The following RTN4 variants were observed in gnomAD, a reference collection of about 807,000 sequenced individuals.
RTN4 encodes the protein reticulon 4.
A neutral mutation model predicts 90.4 loss-of-function variants in RTN4; 32 were observed. That is an observed-to-expected ratio of 0.35 (90% CI 0.27 to 0.48). The LOEUF (loss-of-function observed/expected upper bound fraction) is 0.48, where lower values mean the gene tolerates loss of function less well. Among genes scored for constraint, RTN4 ranks in the 20% least tolerant of loss-of-function variants. The probability of loss-of-function intolerance (pLI) is 0.99; values close to 1 mark genes in which losing one functional copy is unlikely to be tolerated. For synonymous variants in RTN4, 629 were observed against 552.5 expected (o/e 1.14, Z -1.94); for missense variants, 1,706 against 1,430.2 (o/e 1.19, Z -3.11).
intron 1 of RTN4, among the ~76,000 whole-genome samples, chr2:55,105,300 G>GCTCA (rs1474244262): frequency 6.7e-6 from 1 of 148,378 alleles, no homozygotes; most frequent in Non-Finnish European, 1.5e-5. Context: ...CACGATCTTG[G>GCTCA]CTCACTGCAA....
intron 1 of RTN4, among the ~76,000 whole-genome samples, chr2:55,087,913 T>A (rs1406357790): frequency 1.3e-5 from 2 of 152,210 alleles, no homozygotes; most frequent in Admixed American, 1.3e-4. Flanking sequence ...CTTAAATAAG[T>A]TTTCCAAAAA....
At position 55,010,700 on chromosome 2, in the gene RTN4, C is replaced by T. The variant is rs183745981; in HGVS notation, c.3013+14386G>A. Among the ~76,000 whole-genome samples, 183 of 152,122 alleles carry T rather than the reference C, an allele frequency of 1.2e-3. 1 individual carries two copies. Among genetic ancestry groups the T allele is most frequent in the South Asian group, 2.5e-3 (12 of 4,824 alleles). ...TTAATTGCTCCTAAGTTCATTAAGACGTAAAACATTCAGCATTTTGCACCT... is the reference window on the plus strand; with the variant it reads ...TTAATTGCTCCTAAGTTCATTAAGATGTAAAACATTCAGCATTTTGCACCT... On this transcript the variant is annotated intron_variant, in intron 3 of 8. Transcript: ENST00000337526.
intron 1 of RTN4, among the ~76,000 whole-genome samples, chr2:55,089,208 T>C (rs914898734): frequency 6.6e-6 from 1 of 152,182 alleles, no homozygotes; most frequent in African/African-American, 2.4e-5. Flanking sequence ...AGAGTAGGGC[T>C]ATCCTTAGGA....
At chr2:55,051,873 T>C (rs1274559290), upstream of RTN4, among the ~76,000 whole-genome samples, 1 of 152,226 alleles carries the variant, frequency 6.6e-6, no homozygotes, top group Admixed American at 6.5e-5. Context: ...TTGTTCCTTT[T>C]AAAGCAGCTT....
rs576023092 is a variant in RTN4 at position 54,989,652 on chromosome 2, C to G, written c.3014-1954G>C. Among the ~76,000 whole-genome samples, 37 of 152,138 alleles carry G rather than the reference C, an allele frequency of 2.4e-4. No individual in the cohort carries two copies. The South Asian group carries it at 7.7e-3, about 32-fold the overall frequency. ...CATTCTGATTCTTGAAGGTCTTGTC[C>G]AACATTACAATTCTAGGAAAGATAA... On this transcript the variant is annotated intron_variant, in intron 3 of 8. Coordinates refer to ENST00000337526, the MANE Select transcript of RTN4 (RefSeq NM_020532.5).
chr2:55,092,872 A>G (rs975364662), intron 1 of RTN4, among the ~76,000 whole-genome samples: 1 of 152,246 alleles, frequency 6.6e-6, no homozygotes, highest in Non-Finnish European at 1.5e-5. Context: ...TATTCTTTCA[A>G]AGTAGCCAGT....
chr2:55,126,668 A>G, the RTN4 span, among the ~76,000 whole-genome samples: 2 of 152,304 alleles, frequency 1.3e-5, 1 homozygote. Flanking sequence ...CAGCAATCCC[A>G]TTATTGGGTA....
the RTN4 span, among the ~76,000 whole-genome samples, chr2:55,125,234 G>A: frequency 5.9e-5 from 9 of 152,142 alleles, no homozygotes; most frequent in African/African-American, 1.7e-4. Flanking sequence ...AAGAGCTATC[G>A]CAACGAAAGC....
At chr2:55,105,883 G>C (rs1429110514) in intron 1 of RTN4, among the ~76,000 whole-genome samples, 1 of 152,072 alleles carries the variant, frequency 6.6e-6, no homozygotes, top group Admixed American at 6.6e-5. Context: ...TGGAGGCTGA[G>C]GCCAGAGGAT....
intron 1 of RTN4, among the ~76,000 whole-genome samples, chr2:55,094,387 C>A (rs1045697730): frequency 6.6e-6 from 1 of 152,194 alleles, no homozygotes; most frequent in Non-Finnish European, 1.5e-5. Context: ...AGTCGCCAAG[C>A]TGACAAAGAG....
Position 54,973,856 on chromosome 2 carries a change from G to T in RTN4, c.3442C>A (p.Leu1148Ile), listed in dbSNP as rs1253100280. The T allele has an allele frequency of 6.2e-7, 1 of 1,612,826 alleles. No homozygotes were observed. Among genetic ancestry groups the T allele is most frequent in the Non-Finnish European group, 8.5e-7 (1 of 1,179,472 alleles). Residue 1148 changes from leucine to isoleucine, a missense_variant, in exon 7 of 9, where the codon CTC becomes ATC. By Grantham distance (5) the Leu-to-Ile change is conservative (BLOSUM62 2). Coordinates refer to ENST00000337526, the MANE Select transcript of RTN4 (RefSeq NM_020532.5). Reference sequence around the variant, plus strand: ...TCATAAATAACAGGAACACTGAAGAGTGAAATGAGAGCTGAAAAGGGAAAT... The same window carrying T: ...TCATAAATAACAGGAACACTGAAGATTGAAATGAGAGCTGAAAAGGGAAAT... ...LTLLILALIS[L>I]FSVPVIYERH...
In RTN4 at chr2:55,027,107, T is replaced by C; in HGVS notation, c.992A>G (p.Glu331Gly). 1 of 1,613,396 alleles carries C rather than the reference T, an allele frequency of 6.2e-7. No individual in the cohort carries two copies. The highest frequency in any genetic ancestry group is 8.5e-7 in the Non-Finnish European group (1 of 1,179,734). Reference protein sequence around the residue: ...EEIIVKNKDEEEKLVSNNILH... With the variant: ...EEIIVKNKDEGEKLVSNNILH... Reference sequence around the variant, plus strand: ...GATGTTATTACTAACTAACTTCTCTTCTTCATCTTTATTTTTCACGATTAT... The same window carrying C: ...GATGTTATTACTAACTAACTTCTCTCCTTCATCTTTATTTTTCACGATTAT... Residue 331 changes from glutamate to glycine, a missense_variant, in exon 3 of 9, where the codon GAA becomes GGA. Glu to Gly is a moderately conservative substitution (Grantham distance 98). Transcript: ENST00000337526.
At chr2:55,112,141 T>A (rs544633699) in intron 1 of RTN4, among the ~76,000 whole-genome samples, 12 of 152,284 alleles carry the variant, frequency 7.9e-5, no homozygotes, top group Non-Finnish European at 1.6e-4. Flanking sequence ...GGGGAGCGTG[T>A]TCAGGACTAT....
intron 3 of RTN4, among the ~76,000 whole-genome samples, chr2:55,018,531 G>GT (rs141531030): frequency 9.0e-4 from 134 of 149,314 alleles, no homozygotes; most frequent in African/African-American, 1.7e-3. Flanking sequence ...CTTTTATCAA[G>GT]TTTTTTTTTT....
rs770075517 is a variant in RTN4 at position 55,025,465 on chromosome 2, T to G, written c.2634A>C (p.Lys878Asn). 11 of 1,613,832 alleles carry G rather than the reference T, an allele frequency of 6.8e-6. No homozygotes were observed. The Admixed American group carries it at 1.8e-4, about 27-fold the overall frequency. ...TGGCTAATTTAGAAAATGAATCAGTTTTAGAACTGATCAATGTAGGGAACT... is the reference window on the plus strand; with the variant it reads ...TGGCTAATTTAGAAAATGAATCAGTGTTAGAACTGATCAATGTAGGGAACT... ...IDEFPTLISS[K>N]TDSFSKLARE... Residue 878 changes from lysine (K) to asparagine (N), a missense_variant, in exon 3 of 9, where the codon AAA becomes AAC. Coordinates refer to ENST00000337526, the MANE Select transcript of RTN4 (RefSeq NM_020532.5).
In RTN4 at chr2:55,025,477, C is replaced by A; in HGVS notation, c.2622G>T (p.Leu874Phe). ...AAAATGAATCAGTTTTAGAACTGAT[C>A]AATGTAGGGAACTCATCTATAATTT... ...PIEIIDEFPT[L>F]ISSKTDSFSK... The change falls in exon 3 of 9, where the codon TTG (leucine) becomes TTT (phenylalanine). Residue 874 changes from leucine to phenylalanine, a missense_variant. Physicochemically the swap from Leu to Phe is conservative, Grantham distance 22. Transcript: ENST00000337526. The A allele has an allele frequency of 6.2e-7, 1 of 1,613,598 alleles. No homozygotes were observed.
At chr2:55,009,731 C>T (rs764411794) in intron 3 of RTN4, among the ~76,000 whole-genome samples, 4 of 152,138 alleles carry the variant, frequency 2.6e-5, no homozygotes, top group East Asian at 1.9e-4. Context: ...AAAATAGTCA[C>T]GGAAAATATG....
At chr2:55,038,444 C>A (rs775163377) in intron 1 of RTN4, among the ~76,000 whole-genome samples, 1 of 151,786 alleles carries the variant, frequency 6.6e-6, no homozygotes, top group East Asian at 1.9e-4. Context: ...AAAAGGCATA[C>A]AACACAATTT....
chr2:55,032,440 G>C (rs989701838), intron 1 of RTN4, among the ~76,000 whole-genome samples: 3 of 151,972 alleles, frequency 2.0e-5, no homozygotes, highest in African/African-American at 7.3e-5. Context: ...TACAGAAAAA[G>C]ACAGACATAT....
Sources: allele counts gnomAD v4.1 joint callset (sites outside exome capture counted in the v4.1 genomes callset), GRCh38; gene constraint gnomAD v4.1.1; transcripts MANE v1.5; gene names NCBI Gene and HGNC (gene_info 2026-07-23, HGNC 2026-07-21).